Variants in POU2AF2 observed in about 807,000 individuals in gnomAD.
POU2AF2 encodes the protein POU class 2 homeobox associating factor 2.
At chr11:111,262,792 A>G in the POU2AF2 span, among the ~76,000 whole-genome samples, 1 of 152,198 alleles carries the variant, frequency 6.6e-6, no homozygotes, top group Non-Finnish European at 1.5e-5. Context: ...TATTTTTTTC[A>G]GATAAATTTT....
At chr11:111,273,260 A>G in the POU2AF2 span, among the ~76,000 whole-genome samples, 1 of 152,162 alleles carries the variant, frequency 6.6e-6, no homozygotes, top group South Asian at 2.1e-4. Context: ...ACAACCTAAC[A>G]TCAGTGCCCA....
At chr11:111,249,595 T>C in the POU2AF2 span, among the ~76,000 whole-genome samples, 1,711 of 152,266 alleles carry the variant, frequency 0.011, 46 homozygotes, top group African/African-American at 0.038. Context: ...AACTGCTCTT[T>C]CCCATTTTCT....
the POU2AF2 span, among the ~76,000 whole-genome samples, chr11:111,276,957 G>A: frequency 6.6e-6 from 1 of 152,116 alleles, no homozygotes; most frequent in South Asian, 2.1e-4. Context: ...AATAAGCAAA[G>A]CAAATGGTAG....
At chr11:111,259,226 G>A in the POU2AF2 span, among the ~76,000 whole-genome samples, 1 of 151,746 alleles carries the variant, frequency 6.6e-6, no homozygotes, top group African/African-American at 2.4e-5. Context: ...TTACAGATGA[G>A]TGCATTGAGA....
the POU2AF2 span, among the ~76,000 whole-genome samples, chr11:111,277,365 G>A: frequency 1.3e-5 from 2 of 152,208 alleles, no homozygotes; most frequent in African/African-American, 2.4e-5. Context: ...GGAGGAGTCG[G>A]TACTGTCAGT....
the POU2AF2 span, among the ~76,000 whole-genome samples, chr11:111,282,889 A>G: frequency 2.2e-4 from 33 of 152,256 alleles, no homozygotes; most frequent in East Asian, 5.8e-3. Flanking sequence ...CTATGCCCTC[A>G]AACATGTTCT....
At chr11:111,271,188 T>C in the POU2AF2 span, among the ~76,000 whole-genome samples, 2 of 151,996 alleles carry the variant, frequency 1.3e-5, no homozygotes, top group Admixed American at 6.6e-5. Flanking sequence ...CTGGATGTGG[T>C]GGCAGATGCC....
chr11:111,253,951 C>T, the POU2AF2 span, among the ~76,000 whole-genome samples: 2 of 152,136 alleles, frequency 1.3e-5, no homozygotes, highest in African/African-American at 2.4e-5. Context: ...TCTCTCTCCC[C>T]GCTACAAGGA....
chr11:111,280,091 G>T, the POU2AF2 span, among the ~76,000 whole-genome samples: 1 of 132,138 alleles, frequency 7.6e-6, no homozygotes. Context: ...TCTTTTGGAG[G>T]GGGCACATAA....
At chr11:111,253,782 AC>A in the POU2AF2 span, among the ~76,000 whole-genome samples, 1 of 152,046 alleles carries the variant, frequency 6.6e-6, no homozygotes, top group Non-Finnish European at 1.5e-5. Flanking sequence ...ATCATGATTG[AC>A]CCCTACTCAT....
At chr11:111,276,551 A>AG in the POU2AF2 span, among the ~76,000 whole-genome samples, 1 of 144,594 alleles carries the variant, frequency 6.9e-6, no homozygotes, top group African/African-American at 2.5e-5. Context: ...CTGAGAGAGG[A>AG]GAATCGCTTG....
chr11:111,266,053 A>T, the POU2AF2 span, among the ~76,000 whole-genome samples: 7,879 of 152,128 alleles, frequency 0.052, 656 homozygotes, highest in African/African-American at 0.18. Flanking sequence ...TCAGTTTAGG[A>T]TAACAAACCT....
chr11:111,283,497 C>T, the POU2AF2 span, among the ~76,000 whole-genome samples: 1 of 152,174 alleles, frequency 6.6e-6, no homozygotes, highest in Non-Finnish European at 1.5e-5. Flanking sequence ...CTAAAATTGG[C>T]TTCTGTGTGG....
the POU2AF2 span, among the ~76,000 whole-genome samples, chr11:111,272,748 C>T: frequency 1.1e-4 from 17 of 152,330 alleles, 1 homozygote; most frequent in African/African-American, 4.1e-4. Context: ...CTACCACAAT[C>T]CTGGTGCAGA....
At chr11:111,281,482 T>A in the POU2AF2 span, 1 of 1,603,392 alleles carries the variant, frequency 6.2e-7, no homozygotes, top group African/African-American at 1.3e-5. Flanking sequence ...CCTTTTGAAT[T>A]TAAATCAAGC....
At chr11:111,271,043 C>T in the POU2AF2 span, among the ~76,000 whole-genome samples, 4 of 152,160 alleles carry the variant, frequency 2.6e-5, no homozygotes, top group Admixed American at 6.5e-5. Flanking sequence ...AAGTTCTGGG[C>T]GGGGTGCAGT....
At chr11:111,279,320 G>A in the POU2AF2 span, among the ~76,000 whole-genome samples, 4 of 152,192 alleles carry the variant, frequency 2.6e-5, no homozygotes, top group African/African-American at 9.7e-5. Context: ...AATCACCCCT[G>A]TATTGGTGTC....
At chr11:111,265,710 G>A in the POU2AF2 span, among the ~76,000 whole-genome samples, 1 of 152,096 alleles carries the variant, frequency 6.6e-6, no homozygotes, top group East Asian at 1.9e-4. Context: ...GCCACACTAA[G>A]GTAGATAGGC....
At chr11:111,263,957 A>G in the POU2AF2 span, among the ~76,000 whole-genome samples, 1 of 152,216 alleles carries the variant, frequency 6.6e-6, no homozygotes, top group Non-Finnish European at 1.5e-5. Flanking sequence ...TAGGTGCTCA[A>G]TCAATGCCAT....
Sources: gnomAD v4.1 joint callset for allele counts (sites outside exome capture counted in the v4.1 genomes callset) on GRCh38, gnomAD v4.1.1 for gene constraint, MANE v1.5 for transcripts, NCBI Gene and HGNC (gene_info 2026-07-23, HGNC 2026-07-21) for gene names.